SYN3: variants seen among roughly 807,000 people sequenced by gnomAD.
The protein encoded by SYN3 is synapsin-3.
A neutral mutation model predicts 65.8 loss-of-function variants in SYN3; 35 were observed. The observed-to-expected ratio is 0.53, with a 90% CI of 0.41 to 0.70. The LOEUF (loss-of-function observed/expected upper bound fraction) is 0.70. SYN3 is among the 30% of genes least tolerant of loss of function. The pLI is 0.00. For missense variants in SYN3, 680 were observed against 749.0 expected, an observed-to-expected ratio of 0.91 and a Z score of 1.08; for synonymous variants, 270 against 292.9, an observed-to-expected ratio of 0.92 and a Z score of 0.80.
chr22:32,884,155 C>T (rs1193482789), intron 4 of SYN3, among the ~76,000 whole-genome samples: 1 of 152,246 alleles, frequency 6.6e-6, no homozygotes, highest in Non-Finnish European at 1.5e-5. Context: ...TCTAAGCTAA[C>T]ACATTTCCCA....
intron 4 of SYN3, among the ~76,000 whole-genome samples, chr22:32,880,656 G>A (rs980425696): frequency 6.6e-6 from 1 of 152,186 alleles, no homozygotes; most frequent in Non-Finnish European, 1.5e-5. Context: ...TGGGGGCACT[G>A]GCTGGCAAAG....
intron 6 of SYN3, among the ~76,000 whole-genome samples, chr22:32,730,433 G>C (rs1030570063): frequency 6.2e-4 from 94 of 152,306 alleles, no homozygotes; most frequent in Non-Finnish European, 1.5e-4. Context: ...TCCCATTTCA[G>C]CTGATTTTCT....
At chr22:32,952,427 A>C (rs1348956905) in intron 3 of SYN3, among the ~76,000 whole-genome samples, 1 of 152,214 alleles carries the variant, frequency 6.6e-6, no homozygotes, top group Non-Finnish European at 1.5e-5. Flanking sequence ...ATGTATTAGA[A>C]TATTCAAAAT....
At chr22:32,849,196 G>A (rs891875772) in intron 6 of SYN3, among the ~76,000 whole-genome samples, 1 of 152,190 alleles carries the variant, frequency 6.6e-6, no homozygotes, top group Non-Finnish European at 1.5e-5. Context: ...GTTGACTATA[G>A]CCTTGGAAGT....
chr22:32,629,786 T>C (rs1024977515), intron 6 of SYN3: 1 of 151,894 alleles, frequency 6.6e-6, no homozygotes, highest in African/African-American at 2.4e-5. Context: ...AGAGGCCACA[T>C]AGTGGGGTGG....
intron 6 of SYN3, among the ~76,000 whole-genome samples, chr22:32,685,523 A>G (rs2147130596): frequency 6.6e-6 from 1 of 152,234 alleles, no homozygotes; most frequent in Admixed American, 6.5e-5. Context: ...TACCTTTTCT[A>G]TGTTTAGATA....
At chr22:32,896,130 T>G (rs868309924) in intron 4 of SYN3, among the ~76,000 whole-genome samples, 18 of 152,158 alleles carry the variant, frequency 1.2e-4, no homozygotes, top group African/African-American at 4.3e-4. Flanking sequence ...ATTGAAACTA[T>G]AAAGATATAC....
chr22:32,989,835 C>CAAAAAA lies in SYN3; in HGVS notation c.312-9139_312-9134dup, dbSNP rs112695934. On this transcript the variant is annotated intron_variant, in intron 2 of 13. Coordinates refer to ENST00000358763, the MANE Select transcript of SYN3 (RefSeq NM_003490.4). Reference sequence around the variant, plus strand: ...GGGTGACAGAGTGAGACTCCATCTTCAAAAAAAAAAAAAAAAAAAGGCATC... The same window carrying CAAAAAA: ...GGGTGACAGAGTGAGACTCCATCTTCAAAAAAAAAAAAAAAAAAAAAAAAAGGCATC... Among the ~76,000 whole-genome samples the CAAAAAA allele has an allele frequency of 2.6e-3, 229 of 88,132 alleles. 1 individual carries two copies. The highest frequency in any genetic ancestry group is 9.4e-3 in the African/African-American group (209 of 22,162). The allele number at this position is 88,132 out of a possible 152,430, so 57.8% of individuals were successfully genotyped here. A position where few individuals can be genotyped will look rare whatever the true frequency, so the allele number is the denominator to read the frequency against.
intron 1 of SYN3, among the ~76,000 whole-genome samples, chr22:33,037,881 A>C (rs1261010807): frequency 2.6e-5 from 4 of 152,204 alleles, no homozygotes; most frequent in Non-Finnish European, 5.9e-5. Context: ...ACAAATAAGT[A>C]GATGAAAGGC....
At chr22:32,919,511 A>G (rs1017295955) in intron 4 of SYN3, among the ~76,000 whole-genome samples, 1 of 152,236 alleles carries the variant, frequency 6.6e-6, no homozygotes, top group Admixed American at 6.5e-5. Context: ...GAAGAGGTGA[A>G]GGGAACACTT....
chr22:32,736,634 A>C lies in SYN3; in HGVS notation c.711+128281T>G, dbSNP rs111458941. ...TGTCCCAAAACAGGCAATGGGCAAA[A>C]AAATTAAAACCTACATTTGAACCAA... On this transcript the variant is annotated intron_variant, in intron 6 of 13. Coordinates refer to ENST00000358763, the MANE Select transcript of SYN3 (RefSeq NM_003490.4). Among the ~76,000 whole-genome samples, 349 of 152,304 alleles carry C rather than the reference A, an allele frequency of 2.3e-3. 1 individual carries two copies. Among genetic ancestry groups the C allele is most frequent in the African/African-American group, 6.4e-3 (266 of 41,562 alleles).
chr22:33,008,778 A>T (rs569069865), intron 1 of SYN3, among the ~76,000 whole-genome samples: 3 of 151,952 alleles, frequency 2.0e-5, no homozygotes, highest in Non-Finnish European at 4.4e-5. Flanking sequence ...TTTTTTAAAA[A>T]GCTGGGTGTG....
intron 5 of SYN3, among the ~76,000 whole-genome samples, chr22:32,867,911 A>G (rs2048730092): frequency 6.6e-6 from 1 of 152,238 alleles, no homozygotes; most frequent in Non-Finnish European, 1.5e-5. Flanking sequence ...TCTTTCTTAC[A>G]GGTAACATTT....
intron 6 of SYN3, among the ~76,000 whole-genome samples, chr22:32,729,243 A>G (rs1434902180): frequency 6.6e-6 from 1 of 152,222 alleles, no homozygotes; most frequent in Non-Finnish European, 1.5e-5. Context: ...GCATGGCACA[A>G]AGCAGATCCT....
chr22:32,524,644 C>A (rs930838142), intron 12 of SYN3, among the ~76,000 whole-genome samples: 3 of 152,194 alleles, frequency 2.0e-5, no homozygotes, highest in Non-Finnish European at 4.4e-5. Flanking sequence ...TGTTTTCATG[C>A]CTTTTAATAC....
intron 6 of SYN3, among the ~76,000 whole-genome samples, chr22:32,655,606 T>C (rs2060131475): frequency 6.6e-6 from 1 of 152,182 alleles, no homozygotes; most frequent in Non-Finnish European, 1.5e-5. Flanking sequence ...TGGACCCTAT[T>C]GTGAACCATG....
intron 3 of SYN3, among the ~76,000 whole-genome samples, chr22:32,962,530 G>A (rs954577326): frequency 6.6e-6 from 1 of 152,190 alleles, no homozygotes; most frequent in African/African-American, 2.4e-5. Flanking sequence ...GAAGCAGTAT[G>A]ATGGGGAGAG....
chr22:32,891,221 G>C (rs2049436579), intron 4 of SYN3, among the ~76,000 whole-genome samples: 1 of 152,106 alleles, frequency 6.6e-6, no homozygotes, highest in East Asian at 1.9e-4. Context: ...TTGGCCATCT[G>C]GGGGGGTCAA....
At chr22:32,964,740 C>G (rs1426555292) in intron 3 of SYN3, among the ~76,000 whole-genome samples, 1 of 152,188 alleles carries the variant, frequency 6.6e-6, no homozygotes, top group Non-Finnish European at 1.5e-5. Context: ...AAGCACATCA[C>G]TGAACTAATA....
Sources: gnomAD v4.1 joint callset for allele counts (sites outside exome capture counted in the v4.1 genomes callset) on GRCh38, gnomAD v4.1.1 for gene constraint, MANE v1.5 for transcripts, NCBI Gene and HGNC (gene_info 2026-07-23, HGNC 2026-07-21) for gene names.